The following STK32C variants were observed in gnomAD, a reference collection of about 807,000 sequenced individuals.
STK32C encodes serine/threonine-protein kinase 32C.
A neutral mutation model predicts 56.5 loss-of-function variants in STK32C; 31 were observed. The observed-to-expected ratio is 0.55, with a 90% CI of 0.41 to 0.74. The LOEUF (loss-of-function observed/expected upper bound fraction) is 0.74. Ranked by LOEUF, STK32C falls within the 30% of genes least tolerant of loss-of-function variation. The pLI, the probability that STK32C is intolerant of heterozygous loss-of-function variation, is 0.00. For missense variants in STK32C, 544 were observed against 676.9 expected (o/e 0.80, Z 2.18); for synonymous variants, 309 against 289.4 (o/e 1.07, Z -0.69).
At chr10:132,294,169 G>T (rs976215758) in intron 1 of STK32C, among the ~76,000 whole-genome samples, 6 of 152,218 alleles carry the variant, frequency 3.9e-5, no homozygotes, top group African/African-American at 1.4e-4. Context: ...GAGATCACCA[G>T]CGTGTGGGTG....
chr10:132,253,407 G>T (rs1436470643), intron 1 of STK32C, among the ~76,000 whole-genome samples: 1 of 150,606 alleles, frequency 6.6e-6, no homozygotes, highest in Non-Finnish European at 1.5e-5. Context: ...GGAGTCGAGG[G>T]AGCTGGAGGG....
chr10:132,266,092 G>A (rs550978811), intron 1 of STK32C, among the ~76,000 whole-genome samples: 7 of 152,198 alleles, frequency 4.6e-5, no homozygotes, highest in African/African-American at 9.7e-5. Flanking sequence ...CCATCAAGAG[G>A]ATAATGAATA....
At position 132,307,599 on chromosome 10, in the gene STK32C, T is replaced by C; in HGVS notation, c.235A>G (p.Arg79Gly). 37 of 1,408,916 alleles carry C rather than the reference T, an allele frequency of 2.6e-5. No homozygotes were observed. The highest frequency in any genetic ancestry group is 1.3e-4 in the East Asian group (3 of 23,928). The allele number at this position is 1,408,916 out of a possible 1,614,324, so 87.3% of individuals were successfully genotyped here. Residue 79 changes from arginine to glycine, a missense_variant, in exon 1 of 12, where the codon AGG becomes GGG. Arg to Gly is a moderately radical substitution (Grantham distance 125, BLOSUM62 -2). This residue lies in a region of STK32C where 182 missense variants were observed against 217.7 expected (regional missense o/e 0.84). Coordinates refer to ENST00000298630, the MANE Select transcript of STK32C (RefSeq NM_173575.4). The surrounding 1 kb of genome is among the most constrained non-coding windows in gnomAD (Gnocchi z 4.4). The part of the protein sequence containing the change: ...GSSMSAATAR[R>G]PVFDDKEDVN... ...TCCTCCTTGTCGTCAAACACCGGCCTCCGCGCGGTGGCCGCCGACATGGAC... is the reference window on the plus strand; with the variant it reads ...TCCTCCTTGTCGTCAAACACCGGCCCCCGCGCGGTGGCCGCCGACATGGAC...
intron 1 of STK32C, among the ~76,000 whole-genome samples, chr10:132,278,715 G>A (rs1032530540): frequency 4.1e-5 from 6 of 147,466 alleles, no homozygotes; most frequent in African/African-American, 1.0e-4. Flanking sequence ...AGCCGAGATC[G>A]CGCCACTGCA....
intron 2 of STK32C, among the ~76,000 whole-genome samples, chr10:132,241,281 C>T (rs1283011593): frequency 1.3e-5 from 2 of 152,230 alleles, no homozygotes; most frequent in Non-Finnish European, 2.9e-5. Context: ...CCGACTGCCC[C>T]TTTGACAGCT....
intron 3 of STK32C, 80 bp from the exon 4 acceptor site, chr10:132,227,048 C>A (rs771774093): frequency 2.0e-6 from 3 of 1,512,534 alleles, no homozygotes; most frequent in Admixed American, 1.8e-5. Flanking sequence ...ACACACTCCC[C>A]CTAAGGACCA....
chr10:132,211,279 C>T (rs531717957), intron 10 of STK32C, among the ~76,000 whole-genome samples: 29 of 152,208 alleles, frequency 1.9e-4, no homozygotes, highest in African/African-American at 4.3e-4. Flanking sequence ...AATGAGGGTC[C>T]GACTGAGCCG....
chr10:132,254,745 C>T (rs1187593139), intron 1 of STK32C, among the ~76,000 whole-genome samples: 1 of 146,184 alleles, frequency 6.8e-6, no homozygotes. Flanking sequence ...ATAAGCCTGC[C>T]GCAGGGCGCC....
intron 1 of STK32C, among the ~76,000 whole-genome samples, chr10:132,313,158 A>T (rs574750793): frequency 1.3e-5 from 2 of 152,360 alleles, no homozygotes; most frequent in African/African-American, 4.8e-5. Flanking sequence ...ACAACCAACC[A>T]GCTTTAATGT....
chr10:132,228,126 C>T lies in STK32C; in HGVS notation c.321G>A (p.Val107=). The T allele has an allele frequency of 1.9e-6, 3 of 1,614,006 alleles. No homozygotes were observed. Among genetic ancestry groups the T allele is most frequent in the Non-Finnish European group, 2.5e-6 (3 of 1,180,032 alleles). Residue 107 remains valine, a splice_region_variant and synonymous_variant, in exon 3 of 12, where the codon GTG becomes GTA. Coordinates refer to ENST00000298630, the MANE Select transcript of STK32C (RefSeq NM_173575.4). ...CCGTGTCCCGCTTCTGCACAATGCACACCTGGAGGGCACAGGGCTGTTCGG... is the reference window on the plus strand; with the variant it reads ...CCGTGTCCCGCTTCTGCACAATGCATACCTGGAGGGCACAGGGCTGTTCGG... ...RAIGKGSFGK[V]CIVQKRDTEK...
chr10:132,288,471 G>A (rs1310744939), intron 1 of STK32C, among the ~76,000 whole-genome samples: 1 of 152,250 alleles, frequency 6.6e-6, no homozygotes, highest in Admixed American at 6.5e-5. Flanking sequence ...CCAGCCCAGA[G>A]CTGGACTTCC....
chr10:132,273,477 G>A (rs1046807670), intron 1 of STK32C, among the ~76,000 whole-genome samples: 4 of 150,844 alleles, frequency 2.7e-5, no homozygotes, highest in Admixed American at 2.6e-4. Flanking sequence ...AGTGAATGGT[G>A]AGTGAGTGAA....
intron 8 of STK32C, among the ~76,000 whole-genome samples, chr10:132,223,613 G>A (rs2062763945): frequency 2.6e-5 from 4 of 152,356 alleles, no homozygotes; most frequent in East Asian, 3.9e-4. Flanking sequence ...TGGGGCTACA[G>A]CAGAGTTAAG....
intron 7 of STK32C, 111 bp from the exon 8 acceptor site, chr10:132,224,634 GT>G: frequency 1.3e-6 from 1 of 768,434 alleles, no homozygotes; most frequent in South Asian, 1.6e-5. Context: ...CCCACCCCAA[GT>G]GCAGGCACAG....
chr10:132,279,549 C>T (rs1276140723), intron 1 of STK32C, among the ~76,000 whole-genome samples: 1 of 152,034 alleles, frequency 6.6e-6, no homozygotes, highest in Non-Finnish European at 1.5e-5. Flanking sequence ...GGCCAGAGCA[C>T]AGGAGGTCAA....
At chr10:132,311,007 T>A (rs190176666), upstream of STK32C, among the ~76,000 whole-genome samples, 61 of 152,252 alleles carry the variant, frequency 4.0e-4, no homozygotes, top group Non-Finnish European at 8.1e-4. The surrounding 1 kb of genome is among the most constrained non-coding windows in gnomAD (Gnocchi z 4.4). Context: ...TGGCATGTGC[T>A]GAAGGGCTGG....
chr10:132,305,616 T>A (rs936832083), intron 1 of STK32C, among the ~76,000 whole-genome samples: 1 of 152,100 alleles, frequency 6.6e-6, no homozygotes, highest in East Asian at 1.9e-4. Flanking sequence ...GGGGCAACAG[T>A]CCCTTCCTAA....
At chr10:132,293,153 C>A (rs1011683807) in intron 1 of STK32C, among the ~76,000 whole-genome samples, 2 of 152,224 alleles carry the variant, frequency 1.3e-5, no homozygotes, top group African/African-American at 4.8e-5. Flanking sequence ...GGGGAAGAGC[C>A]AAGAGAGGCC....
chr10:132,315,676 T>C (rs2066297763), intron 1 of STK32C, among the ~76,000 whole-genome samples: 1 of 152,178 alleles, frequency 6.6e-6, no homozygotes, highest in Admixed American at 6.5e-5. Flanking sequence ...CATACGCAAT[T>C]ACTAAGGATA....
Sources: allele counts gnomAD v4.1 joint callset (sites outside exome capture counted in the v4.1 genomes callset), GRCh38; gene constraint gnomAD v4.1.1; regional missense constraint gnomAD v4.1.1; non-coding constraint Gnocchi (gnomAD v3.1); transcripts MANE v1.5; gene names NCBI Gene and HGNC (gene_info 2026-07-23, HGNC 2026-07-21).